Variants in EPHA3 observed in about 807,000 individuals in gnomAD.
EPHA3 encodes the protein EPH receptor A3.
In EPHA3, 42 loss-of-function variants were observed where a neutral mutation model predicts 107.1. The observed-to-expected ratio is 0.39, with a 90% CI of 0.31 to 0.51. The LOEUF (loss-of-function observed/expected upper bound fraction) is 0.51, where lower values mean the gene tolerates loss of function less well. Among genes scored for constraint, EPHA3 ranks in the 20% least tolerant of loss-of-function variants. The pLI, the probability that EPHA3 is intolerant of heterozygous loss-of-function variation, is 0.78. For synonymous variants in EPHA3, 461 were observed against 424.8 expected (o/e 1.09, Z -1.05); for missense variants, 1,183 against 1,211.2 (o/e 0.98, Z 0.35).
At chr3:89,467,898 G>A (rs748330641) in intron 15 of EPHA3, among the ~76,000 whole-genome samples, 10 of 152,174 alleles carry the variant, frequency 6.6e-5, no homozygotes, top group African/African-American at 1.7e-4. Flanking sequence ...GTAGGACATC[G>A]TTTACAGCTG....
intron 5 of EPHA3, among the ~76,000 whole-genome samples, chr3:89,390,159 T>C (rs746863479): frequency 1.6e-4 from 25 of 152,166 alleles, no homozygotes; most frequent in Non-Finnish European, 3.4e-4. Context: ...AACCAGCTAA[T>C]TTTTGAATTT....
At chr3:89,134,465 A>T (rs1160637106) in intron 2 of EPHA3, among the ~76,000 whole-genome samples, 1 of 151,578 alleles carries the variant, frequency 6.6e-6, no homozygotes, top group African/African-American at 2.4e-5. Context: ...AGAACGTGCG[A>T]TGTTTGGTTT....
chr3:89,474,671 T>C (rs1710470780), intron 16 of EPHA3, among the ~76,000 whole-genome samples: 1 of 152,236 alleles, frequency 6.6e-6, no homozygotes, highest in Non-Finnish European at 1.5e-5. Context: ...GTTGATAAGA[T>C]TAACTGCTAG....
intron 9 of EPHA3, among the ~76,000 whole-genome samples, chr3:89,411,591 C>T (rs537928544): frequency 2.0e-5 from 3 of 152,004 alleles, no homozygotes; most frequent in Admixed American, 1.3e-4. Flanking sequence ...CTCACACTTA[C>T]GTTTTTTTAC....
chr3:89,179,605 GA>G (rs1234553642), intron 2 of EPHA3, among the ~76,000 whole-genome samples: 1 of 149,774 alleles, frequency 6.7e-6, no homozygotes, highest in Non-Finnish European at 1.5e-5. Flanking sequence ...CTGTAGTGAA[GA>G]CAGCCTTTGA....
At chr3:89,308,891 A>T (rs1201021167) in intron 3 of EPHA3, among the ~76,000 whole-genome samples, 1 of 152,170 alleles carries the variant, frequency 6.6e-6, no homozygotes, top group Non-Finnish European at 1.5e-5. Flanking sequence ...CAATGGATTC[A>T]GGAAGATATT....
chr3:89,320,808 A>G (rs1389350025), intron 3 of EPHA3, among the ~76,000 whole-genome samples: 1 of 152,090 alleles, frequency 6.6e-6, no homozygotes, highest in African/African-American at 2.4e-5. Flanking sequence ...ACTATTCACC[A>G]AAATTACCCT....
chr3:89,108,139 A>G (rs1707017539), intron 1 of EPHA3, among the ~76,000 whole-genome samples: 1 of 152,202 alleles, frequency 6.6e-6, no homozygotes, highest in Non-Finnish European at 1.5e-5. Context: ...CAACCCAGTT[A>G]TGTTAATTGC....
intron 3 of EPHA3, among the ~76,000 whole-genome samples, chr3:89,211,808 TCTTCTTCTTCTC>T (rs780385086): frequency 0.01 from 1,004 of 96,312 alleles, 7 homozygotes; most frequent in African/African-American, 0.031. Flanking sequence ...TTCTTCTTCT[TCTTCTTCTTCTC>T]CTTCTCCTCC....
chr3:89,378,638 A>G (rs754536798), intron 5 of EPHA3, among the ~76,000 whole-genome samples: 2 of 152,204 alleles, frequency 1.3e-5, no homozygotes, highest in Non-Finnish European at 2.9e-5. Flanking sequence ...CACTTGCTCT[A>G]TATAGGCTAA....
At chr3:89,143,652 T>C (rs1226219225) in intron 2 of EPHA3, among the ~76,000 whole-genome samples, 1 of 151,600 alleles carries the variant, frequency 6.6e-6, no homozygotes, top group Non-Finnish European at 1.5e-5. Flanking sequence ...TGCCATTCTC[T>C]CCACCTACTT....
chr3:89,246,317 A>G (rs532157043), intron 3 of EPHA3, among the ~76,000 whole-genome samples: 4 of 152,366 alleles, frequency 2.6e-5, no homozygotes, highest in African/African-American at 9.6e-5. Flanking sequence ...CTCCCAGGAA[A>G]GAATAAATAA....
intron 2 of EPHA3, among the ~76,000 whole-genome samples, chr3:89,155,608 T>C (rs1704785373): frequency 6.6e-6 from 1 of 152,110 alleles, no homozygotes; most frequent in African/African-American, 2.4e-5. Context: ...AGAAAATACA[T>C]TTTCACAATG....
At chr3:89,306,093 G>C (rs1293705407) in intron 3 of EPHA3, among the ~76,000 whole-genome samples, 1 of 151,948 alleles carries the variant, frequency 6.6e-6, no homozygotes, top group Non-Finnish European at 1.5e-5. Flanking sequence ...CTTTCTGATT[G>C]CTTACTACAT....
intron 3 of EPHA3, among the ~76,000 whole-genome samples, chr3:89,290,431 A>G (rs557427583): frequency 1.1e-4 from 16 of 152,290 alleles, no homozygotes; most frequent in African/African-American, 3.6e-4. Flanking sequence ...CACATGTAGC[A>G]TACATCATAT....
At chr3:89,425,058 T>G (rs1379694502) in intron 11 of EPHA3, among the ~76,000 whole-genome samples, 1 of 151,374 alleles carries the variant, frequency 6.6e-6, no homozygotes, top group Non-Finnish European at 1.5e-5. Flanking sequence ...TGGTAGGTGT[T>G]GGATTTAGAA....
At chr3:89,187,371 T>C (rs1230432396) in intron 2 of EPHA3, among the ~76,000 whole-genome samples, 3 of 148,728 alleles carry the variant, frequency 2.0e-5, no homozygotes, top group Non-Finnish European at 4.5e-5. Context: ...AATAAATGTA[T>C]ATATCTATGC....
intron 3 of EPHA3, among the ~76,000 whole-genome samples, chr3:89,227,390 G>A (rs1704526555): frequency 6.6e-6 from 1 of 151,974 alleles, no homozygotes; most frequent in Admixed American, 6.6e-5. Context: ...GAGGATCTAA[G>A]CCCAAGGGAT....
chr3:89,189,029 T>C (rs1438699959), intron 2 of EPHA3, among the ~76,000 whole-genome samples: 1 of 152,218 alleles, frequency 6.6e-6, no homozygotes, highest in Admixed American at 6.5e-5. Flanking sequence ...ATGTGCTATC[T>C]AGACTAGATG....
Sources: gnomAD v4.1 joint callset for allele counts (sites outside exome capture counted in the v4.1 genomes callset) on GRCh38, gnomAD v4.1.1 for gene constraint, MANE v1.5 for transcripts, NCBI Gene and HGNC (gene_info 2026-07-23, HGNC 2026-07-21) for gene names.